The following ADAMTSL1 variants were observed in gnomAD, a reference collection of about 807,000 sequenced individuals.
ADAMTSL1 encodes ADAMTS-like protein 1.
A neutral mutation model predicts 201.8 loss-of-function variants in ADAMTSL1; 126 were observed. The observed-to-expected ratio is 0.62, with a 90% confidence interval of 0.54 to 0.72. The LOEUF is 0.72. Ranked by LOEUF, ADAMTSL1 falls within the 30% of genes least tolerant of loss-of-function variation. ADAMTSL1 has a pLI of 0.00. For missense variants in ADAMTSL1, 2,679 were observed against 2,277.8 expected, an observed-to-expected ratio of 1.18 and a Z score of -3.59; for synonymous variants, 1,121 against 903.4, an observed-to-expected ratio of 1.24 and a Z score of -4.32.
At chr9:17,918,225 G>A (rs1050151723) in intron 1 of ADAMTSL1, among the ~76,000 whole-genome samples, 1 of 151,520 alleles carries the variant, frequency 6.6e-6, no homozygotes, top group Non-Finnish European at 1.5e-5. Context: ...GTTTTGTAAG[G>A]TGTATGCTGA....
chr9:18,842,440 G>A (rs1412089919), intron 23 of ADAMTSL1, among the ~76,000 whole-genome samples: 4 of 152,128 alleles, frequency 2.6e-5, no homozygotes, highest in African/African-American at 9.7e-5. Context: ...CATTTGCTGA[G>A]GAGAGCTTTA....
At chr9:18,682,648 C>T (rs570922705) in intron 12 of ADAMTSL1, among the ~76,000 whole-genome samples, 25 of 152,236 alleles carry the variant, frequency 1.6e-4, no homozygotes, top group African/African-American at 5.8e-4. Context: ...TTCAAAGTCA[C>T]AAACCATTCA....
chr9:18,888,499 T>C (rs1829043367), intron 24 of ADAMTSL1, among the ~76,000 whole-genome samples: 1 of 152,216 alleles, frequency 6.6e-6, no homozygotes, highest in Admixed American at 6.5e-5. Flanking sequence ...AGCTGAGGGC[T>C]TTCCAGGCAC....
In ADAMTSL1 at chr9:17,910,268, G is replaced by A. The variant is rs1825874403; in HGVS notation, c.87+3346G>A. On this transcript the variant is annotated intron_variant, in intron 1 of 29. Coordinates refer to the ADAMTSL1 transcript ENST00000680146. ...CGTCTTATTTTTAAATATCCACAAG[G>A]TAGAAATTCTACCTTATCATTGATA... Among the ~76,000 whole-genome samples the A allele has an allele frequency of 2.9e-5, 2 of 68,648 alleles. 1 individual carries two copies. 45.0% of individuals were successfully genotyped at this position (68,648 alleles called of 152,430 possible). A position where few individuals can be genotyped will look rare whatever the true frequency, so the allele number is the denominator to read the frequency against.
rs779246681 is a variant in ADAMTSL1, at chr9:18,706,951, C to T, written c.1779C>T (p.Asp593=). 1.1e-5 allele frequency: 17 copies of T among 1,613,832 alleles called. No homozygotes were observed. The highest frequency in any genetic ancestry group is 5.3e-5 in the African/African-American group (4 of 74,906). ...GGGAAATTCCTGAGTTCAACCCAGACGAGACAGATGGGCTCTTTGGTGGCC... is the reference window on the plus strand; with the variant it reads ...GGGAAATTCCTGAGTTCAACCCAGATGAGACAGATGGGCTCTTTGGTGGCC... The part of the protein sequence containing the change: ...CSGEIPEFNP[D]ETDGLFGGLQ... Residue 593 remains aspartate, a synonymous_variant, in exon 14 of 29, where the codon GAC becomes GAT. Coordinates refer to ENST00000380548, the MANE Select transcript of ADAMTSL1 (RefSeq NM_001040272.6).
intron 8 of ADAMTSL1, among the ~76,000 whole-genome samples, chr9:18,661,380 A>AT: frequency 6.6e-6 from 1 of 152,290 alleles, no homozygotes; most frequent in East Asian, 1.9e-4. Flanking sequence ...TGGAATCTCA[A>AT]TGGTACATTT....
intron 24 of ADAMTSL1, 144 bp from the exon 25 acceptor site, chr9:18,889,424 G>A: frequency 1.2e-6 from 1 of 865,218 alleles, no homozygotes; most frequent in Non-Finnish European, 1.7e-6. Flanking sequence ...TCCCTGCGAG[G>A]AGCAGGGCCT....
chr9:18,153,273 A>G (rs1827000626), intron 1 of ADAMTSL1, among the ~76,000 whole-genome samples: 1 of 152,046 alleles, frequency 6.6e-6, no homozygotes, highest in Non-Finnish European at 1.5e-5. Flanking sequence ...AGAAATCTAC[A>G]TTTTAATCTA....
At position 18,737,319 on chromosome 9, in the gene ADAMTSL1, C is replaced by CAAAAAAAA. The variant is rs59511409; in HGVS notation, c.2006+15671_2006+15678dup. Reference sequence around the variant, plus strand: ...GCCCAACAAGAGTGAAACTCTGTCTCAAAAAAAAAAAAAAAAAAAAAAAAG... The same window carrying CAAAAAAAA: ...GCCCAACAAGAGTGAAACTCTGTCTCAAAAAAAAAAAAAAAAAAAAAAAAAAAAAAAAG... On this transcript the variant is annotated intron_variant, in intron 15 of 28. Coordinates refer to ENST00000380548, the MANE Select transcript of ADAMTSL1 (RefSeq NM_001040272.6). Among the ~76,000 whole-genome samples, 97 of 53,658 alleles carry CAAAAAAAA rather than the reference C, an allele frequency of 1.8e-3. 6 individuals carry two copies. Among genetic ancestry groups the CAAAAAAAA allele is most frequent in the Middle Eastern group, 0.014 (1 of 72 alleles). The allele number at this position is 53,658 out of a possible 152,430, so 35.2% of individuals were successfully genotyped here.
chr9:18,505,851 A>C (rs1271006992), intron 2 of ADAMTSL1, among the ~76,000 whole-genome samples: 1 of 152,230 alleles, frequency 6.6e-6, no homozygotes, highest in African/African-American at 2.4e-5. Flanking sequence ...AGAGGTTCAG[A>C]AAAATGTCAA....
chr9:18,498,149 G>C (rs1345821927), intron 1 of ADAMTSL1, among the ~76,000 whole-genome samples: 1 of 151,946 alleles, frequency 6.6e-6, no homozygotes, highest in Non-Finnish European at 1.5e-5. Context: ...AAAAGATACA[G>C]ACATAAAACT....
At chr9:18,346,408 G>A (rs1465163665) in intron 2 of ADAMTSL1, among the ~76,000 whole-genome samples, 2 of 152,108 alleles carry the variant, frequency 1.3e-5, no homozygotes. Flanking sequence ...TGGGCAGTCT[G>A]GGTTTGCACT....
chr9:18,844,792 C>G (rs896525159), intron 23 of ADAMTSL1, among the ~76,000 whole-genome samples: 1 of 152,254 alleles, frequency 6.6e-6, no homozygotes, highest in African/African-American at 2.4e-5. Flanking sequence ...TGATCTCAGA[C>G]TGCCATGCTA....
intron 2 of ADAMTSL1, among the ~76,000 whole-genome samples, chr9:18,258,674 C>T (rs951755536): frequency 6.6e-6 from 1 of 152,200 alleles, no homozygotes; most frequent in Non-Finnish European, 1.5e-5. Context: ...CGATCTTTCC[C>T]TGGCTCCTGG....
In ADAMTSL1 at chr9:18,742,403, G is replaced by A. The variant is rs1235862478; in HGVS notation, c.2007-10895G>A. On this transcript the variant is annotated intron_variant, in intron 15 of 28. Transcript: ENST00000380548. ...ATCTTAAATGCCTTGTGGTCTACTT[G>A]GGATGATAACTAGGGGGAAAAAAAC... Among the ~76,000 whole-genome samples the A allele has an allele frequency of 2.6e-5, 4 of 152,216 alleles. No individual in the cohort carries two copies. The East Asian group carries it at 5.8e-4, about 22-fold the overall frequency.
intron 20 of ADAMTSL1, among the ~76,000 whole-genome samples, chr9:18,814,705 G>A (rs1472940259): frequency 6.6e-6 from 1 of 152,116 alleles, no homozygotes; most frequent in Admixed American, 6.6e-5. Context: ...GACACAGAGG[G>A]AAACAACAGA....
intron 23 of ADAMTSL1, among the ~76,000 whole-genome samples, chr9:18,883,008 A>G (rs1439479201): frequency 6.6e-6 from 1 of 150,532 alleles, no homozygotes; most frequent in African/African-American, 2.4e-5. Flanking sequence ...AAAAAAAAAA[A>G]AAGAGGATAT....
chr9:18,267,118 C>T (rs1465936105), intron 2 of ADAMTSL1, among the ~76,000 whole-genome samples: 7 of 152,150 alleles, frequency 4.6e-5, no homozygotes, highest in African/African-American at 7.2e-5. Context: ...GCCTATTGTA[C>T]AGGATCTTAC....
intron 1 of ADAMTSL1, among the ~76,000 whole-genome samples, chr9:18,474,977 A>G (rs1821380167): frequency 6.6e-6 from 1 of 152,234 alleles, no homozygotes; most frequent in Admixed American, 6.5e-5. Context: ...ACGTCAGTAC[A>G]CATTGCATTT....
Sources: allele counts gnomAD v4.1 joint callset (sites outside exome capture counted in the v4.1 genomes callset), GRCh38; gene constraint gnomAD v4.1.1; transcripts MANE v1.5; gene names NCBI Gene and HGNC (gene_info 2026-07-23, HGNC 2026-07-21).